The following CCDC178 variants were observed in gnomAD, a reference collection of about 807,000 sequenced individuals.
CCDC178 encodes coiled-coil domain-containing protein 178.
CCDC178 carries 126 observed loss-of-function variants against 117.4 expected under a neutral mutation model. That is an observed-to-expected ratio of 1.07 (90% CI 0.93 to 1.24). The LOEUF (loss-of-function observed/expected upper bound fraction) is 1.24, where lower values mean the gene tolerates loss of function less well. CCDC178 is among the 50% of genes most tolerant of loss of function. The pLI is 0.00. For synonymous variants in CCDC178, 283 were observed against 313.4 expected, an observed-to-expected ratio of 0.90 and a Z score of 1.02; for missense variants, 1,030 against 986.9, an observed-to-expected ratio of 1.04 and a Z score of -0.59.
chr18:33,159,635 T>C (rs929439860), intron 20 of CCDC178, among the ~76,000 whole-genome samples: 2 of 152,104 alleles, frequency 1.3e-5, no homozygotes, highest in Non-Finnish European at 2.9e-5. Flanking sequence ...CCTGCTCAAA[T>C]AGATCCGGGT....
intron 12 of CCDC178, among the ~76,000 whole-genome samples, chr18:33,268,286 T>C (rs2059844174): frequency 6.6e-6 from 1 of 151,848 alleles, no homozygotes; most frequent in Admixed American, 6.6e-5. Context: ...CTAATCATAG[T>C]AAAGATCAGA....
At chr18:33,417,852 A>C (rs2063967873) in intron 2 of CCDC178, among the ~76,000 whole-genome samples, 1 of 152,140 alleles carries the variant, frequency 6.6e-6, no homozygotes, top group Non-Finnish European at 1.5e-5. Flanking sequence ...CAGTAATAAA[A>C]AGCCTACCAA....
intron 14 of CCDC178, among the ~76,000 whole-genome samples, chr18:33,250,840 C>T (rs1599054667): frequency 6.6e-6 from 1 of 151,580 alleles, no homozygotes; most frequent in African/African-American, 2.4e-5. Flanking sequence ...TACACACACA[C>T]ACATAGCTAC....
At chr18:33,432,746 A>AT (rs557140577) in intron 2 of CCDC178, among the ~76,000 whole-genome samples, 93 of 152,148 alleles carry the variant, frequency 6.1e-4, no homozygotes, top group African/African-American at 1.9e-3. Flanking sequence ...CGTCAGAAAT[A>AT]TTTTTTTTAA....
At chr18:33,147,018 C>T (rs1005900422) in intron 20 of CCDC178, among the ~76,000 whole-genome samples, 2 of 152,130 alleles carry the variant, frequency 1.3e-5, no homozygotes, top group Non-Finnish European at 2.9e-5. Context: ...TATTCCACAA[C>T]AGCCTCTTCA....
At chr18:32,949,917 T>C (rs1469476749) in intron 22 of CCDC178, among the ~76,000 whole-genome samples, 5 of 152,152 alleles carry the variant, frequency 3.3e-5, no homozygotes, top group African/African-American at 1.2e-4. Context: ...GCTTTCAAAA[T>C]TTGTTAGGTG....
chr18:33,317,126 A>G (rs2144981482), intron 11 of CCDC178, among the ~76,000 whole-genome samples: 1 of 152,204 alleles, frequency 6.6e-6, no homozygotes, highest in South Asian at 2.1e-4. Context: ...CACACTGTGG[A>G]AGCTTTGTTC....
At chr18:33,256,473 C>T (rs1023905124) in intron 14 of CCDC178, among the ~76,000 whole-genome samples, 5 of 152,036 alleles carry the variant, frequency 3.3e-5, no homozygotes, top group African/African-American at 1.2e-4. Context: ...CTATAGAATA[C>T]ATTTGTTTGA....
intron 14 of CCDC178, among the ~76,000 whole-genome samples, chr18:33,247,134 G>C (rs927982673): frequency 1.3e-5 from 2 of 151,288 alleles, no homozygotes; most frequent in African/African-American, 4.8e-5. Flanking sequence ...CAGAGACAGA[G>C]AGAGAAAAGA....
rs553517451 is a variant in CCDC178 at position 33,409,163 on chromosome 18, G to A, written c.58+2868C>T. Among the ~76,000 whole-genome samples the A allele has an allele frequency of 4.6e-5, 7 of 152,162 alleles. No individual in the cohort carries two copies. In the South Asian group the frequency reaches 1.0e-3, roughly 23 times the overall value. On this transcript the variant is annotated intron_variant, in intron 3 of 22. Coordinates refer to ENST00000383096, the MANE Select transcript of CCDC178 (RefSeq NM_001105528.4). ...CAAGCTGGAGTGCAGAGCCGCATGCGACATCTGCCTCCTTGGTTCAAGGGA... is the reference window on the plus strand; with the variant it reads ...CAAGCTGGAGTGCAGAGCCGCATGCAACATCTGCCTCCTTGGTTCAAGGGA...
At chr18:33,045,774 T>TA (rs2056630944) in intron 21 of CCDC178, among the ~76,000 whole-genome samples, 1 of 152,094 alleles carries the variant, frequency 6.6e-6, no homozygotes, top group Non-Finnish European at 1.5e-5. Context: ...ATAAAAGTCT[T>TA]ACAATACTTA....
chr18:33,432,326 G>C (rs2144973122), intron 2 of CCDC178, among the ~76,000 whole-genome samples: 1 of 141,194 alleles, frequency 7.1e-6, no homozygotes, highest in Non-Finnish European at 1.6e-5. Flanking sequence ...TTTCTGGGCT[G>C]ATCCATGCTT....
chr18:33,152,462 T>G (rs1260486084), intron 20 of CCDC178, among the ~76,000 whole-genome samples: 1 of 151,930 alleles, frequency 6.6e-6, no homozygotes, highest in African/African-American at 2.4e-5. Context: ...AAAGTGGCTG[T>G]GCACTGGGGC....
intron 1 of CCDC178, among the ~76,000 whole-genome samples, 166 bp from the exon 2 acceptor site, chr18:33,440,247 G>T (rs2064359940): frequency 6.9e-6 from 1 of 145,676 alleles, no homozygotes; most frequent in Admixed American, 7.0e-5. Context: ...CCTCTAGGCG[G>T]CCAGCGGAGG....
chr18:33,045,373 T>C (rs2056624294), intron 21 of CCDC178, among the ~76,000 whole-genome samples: 1 of 152,162 alleles, frequency 6.6e-6, no homozygotes, highest in Admixed American at 6.5e-5. Context: ...TTATCTTGCA[T>C]AGCCATACTT....
At chr18:33,090,954 G>C (rs1009306294) in intron 21 of CCDC178, among the ~76,000 whole-genome samples, 5 of 152,054 alleles carry the variant, frequency 3.3e-5, no homozygotes, top group African/African-American at 1.2e-4. Context: ...TGTGATGTTA[G>C]GGCTTTCTCT....
chr18:32,944,292 A>G (rs1391154709), intron 22 of CCDC178, among the ~76,000 whole-genome samples: 4 of 152,182 alleles, frequency 2.6e-5, no homozygotes, highest in African/African-American at 9.7e-5. Context: ...ATGAGACCGG[A>G]GATGGAAAAG....
chr18:33,299,502 A>AACACACACACACACACACACAC (rs71159812), intron 11 of CCDC178, among the ~76,000 whole-genome samples: 6 of 146,100 alleles, frequency 4.1e-5, no homozygotes, highest in African/African-American at 1.3e-4. Context: ...AACTAGTATA[A>AACACACACACACACACACACAC]ACACACACAC....
intron 11 of CCDC178, among the ~76,000 whole-genome samples, chr18:33,322,484 A>G (rs2062525156): frequency 6.6e-6 from 1 of 151,832 alleles, no homozygotes; most frequent in South Asian, 2.1e-4. Flanking sequence ...ATGCACTCTT[A>G]ATTAAGACTG....
Sources: gnomAD v4.1 joint callset for allele counts (sites outside exome capture counted in the v4.1 genomes callset) on GRCh38, gnomAD v4.1.1 for gene constraint, MANE v1.5 for transcripts, NCBI Gene and HGNC (gene_info 2026-07-23, HGNC 2026-07-21) for gene names.